NRXN1: variants seen among roughly 807,000 people sequenced by gnomAD.
The protein encoded by NRXN1 is neurexin-1.
Under a neutral mutation model 150.9 loss-of-function variants are expected in NRXN1, and 39 were observed. The ratio of observed to expected loss-of-function variants is 0.26; its 90% CI spans 0.20 to 0.34. The LOEUF (loss-of-function observed/expected upper bound fraction) is 0.34, where lower values mean the gene tolerates loss of function less well. Among genes scored for constraint, NRXN1 ranks in the 10% least tolerant of loss-of-function variants. The pLI, the probability that NRXN1 is intolerant of heterozygous loss-of-function variation, is 1.00. For synonymous variants in NRXN1, 924 were observed against 757.0 expected (o/e 1.22, Z -3.62); for missense variants, 1,815 against 1,949.9 (o/e 0.93, Z 1.30).
intron 5 of NRXN1, among the ~76,000 whole-genome samples, chr2:50,884,586 A>G (rs1281294687): frequency 6.6e-6 from 1 of 151,694 alleles, no homozygotes; most frequent in Non-Finnish European, 1.5e-5. Flanking sequence ...CCAGCATTGT[A>G]GCTTCGTAGG....
At chr2:50,157,951 T>G (rs534149764) in intron 18 of NRXN1, among the ~76,000 whole-genome samples, 1 of 148,876 alleles carries the variant, frequency 6.7e-6, no homozygotes, top group Non-Finnish European at 1.5e-5. Flanking sequence ...CGAGAGTGGA[T>G]AGATGAAACC....
chr2:50,725,762 T>C (rs946772793), intron 5 of NRXN1, among the ~76,000 whole-genome samples: 1 of 152,198 alleles, frequency 6.6e-6, no homozygotes, highest in African/African-American at 2.4e-5. Flanking sequence ...ATAGACTTTA[T>C]TTTTTCAGCT....
intron 2 of NRXN1, among the ~76,000 whole-genome samples, chr2:50,953,223 T>C (rs1691691214): frequency 6.6e-6 from 1 of 152,224 alleles, no homozygotes. Flanking sequence ...CCATTTATTA[T>C]TGTAACCTTA....
chr2:50,620,923 G>A (rs908610312), intron 7 of NRXN1: 3 of 339,198 alleles, frequency 8.8e-6, no homozygotes, highest in Admixed American at 4.8e-5. Context: ...GCTGAGCTGC[G>A]GTCACTCGGG....
intron 5 of NRXN1, among the ~76,000 whole-genome samples, chr2:50,850,580 T>C (rs1674375090): frequency 6.6e-6 from 1 of 152,160 alleles, no homozygotes; most frequent in South Asian, 2.1e-4. Context: ...TGAAACCTAC[T>C]AGCCTTTCTT....
intron 5 of NRXN1, among the ~76,000 whole-genome samples, chr2:50,757,648 G>A (rs757749567): frequency 6.6e-6 from 1 of 151,670 alleles, no homozygotes; most frequent in Non-Finnish European, 1.5e-5. Flanking sequence ...CTCAGTAATA[G>A]TAACACTGAA....
intron 5 of NRXN1, among the ~76,000 whole-genome samples, chr2:50,814,534 G>C (rs1350731657): frequency 1.3e-5 from 2 of 151,908 alleles, no homozygotes; most frequent in East Asian, 1.9e-4. Context: ...AAGAACCCTG[G>C]GGAACAATTT....
At chr2:50,834,859 T>C (rs1671894941) in intron 5 of NRXN1, among the ~76,000 whole-genome samples, 1 of 152,144 alleles carries the variant, frequency 6.6e-6, no homozygotes, top group Non-Finnish European at 1.5e-5. Flanking sequence ...TGCACGCCTT[T>C]AGAAACACTG....
chr2:50,219,668 C>T (rs994866622), intron 18 of NRXN1, among the ~76,000 whole-genome samples: 2 of 150,936 alleles, frequency 1.3e-5, no homozygotes, highest in African/African-American at 4.9e-5. Context: ...AGGAGGATCG[C>T]TTGAGCCCAG....
At chr2:50,682,262 T>G (rs1400688428) in intron 5 of NRXN1, among the ~76,000 whole-genome samples, 1 of 152,206 alleles carries the variant, frequency 6.6e-6, no homozygotes, top group African/African-American at 2.4e-5. Flanking sequence ...AAGTAGCATC[T>G]CTTTACTTAA....
chr2:50,444,563 C>A (rs1432578476), intron 17 of NRXN1, among the ~76,000 whole-genome samples: 1 of 152,068 alleles, frequency 6.6e-6, no homozygotes, highest in Non-Finnish European at 1.5e-5. Context: ...GCCTATCGGA[C>A]CTTTTTAAAG....
chr2:50,361,367 C>T (rs1316401249), intron 17 of NRXN1, among the ~76,000 whole-genome samples: 2 of 151,630 alleles, frequency 1.3e-5, no homozygotes, highest in African/African-American at 2.4e-5. Context: ...GACCACTAGC[C>T]AGACTATATA....
intron 2 of NRXN1, among the ~76,000 whole-genome samples, chr2:50,985,614 A>T (rs7559936): frequency 6.6e-6 from 1 of 151,460 alleles, no homozygotes; most frequent in Admixed American, 6.6e-5. Flanking sequence ...TAAGGAAAAA[A>T]GGATCCAAGG....
At chr2:50,478,104 A>T (rs1222391112) in intron 15 of NRXN1, among the ~76,000 whole-genome samples, 2 of 152,128 alleles carry the variant, frequency 1.3e-5, no homozygotes, top group Non-Finnish European at 2.9e-5. Context: ...CCTTATCTAG[A>T]TACACTGAGA....
At chr2:50,488,996 T>C (rs2091068873) in intron 15 of NRXN1, among the ~76,000 whole-genome samples, 1 of 152,186 alleles carries the variant, frequency 6.6e-6, no homozygotes, top group Non-Finnish European at 1.5e-5. Flanking sequence ...CTGCAGGTAC[T>C]TGCTGCTCCA....
intron 5 of NRXN1, among the ~76,000 whole-genome samples, chr2:50,787,165 G>T (rs1216383129): frequency 1.3e-5 from 2 of 152,106 alleles, no homozygotes; most frequent in Admixed American, 6.6e-5. Flanking sequence ...GAGGATCATT[G>T]TGTGCTCTAG....
At chr2:50,865,688 G>A (rs1184462878) in intron 5 of NRXN1, among the ~76,000 whole-genome samples, 1 of 20,340 alleles carries the variant, frequency 4.9e-5, no homozygotes, top group Non-Finnish European at 1.9e-4. Context: ...TTTTTTTTTG[G>A]TGGTGGGGGT....
chr2:50,401,636 G>C (rs1206733213), intron 17 of NRXN1, among the ~76,000 whole-genome samples: 1 of 152,038 alleles, frequency 6.6e-6, no homozygotes, highest in Non-Finnish European at 1.5e-5. Flanking sequence ...TATATTAATA[G>C]CTAATGGCAA....
chr2:49,986,382 A>G (rs942218064), intron 21 of NRXN1, among the ~76,000 whole-genome samples: 1 of 152,226 alleles, frequency 6.6e-6, no homozygotes, highest in African/African-American at 2.4e-5. Context: ...ACCCATTAAC[A>G]TAAATTTAAA....
Sources: gnomAD v4.1 joint callset for allele counts (sites outside exome capture counted in the v4.1 genomes callset) on GRCh38, gnomAD v4.1.1 for gene constraint, MANE v1.5 for transcripts, NCBI Gene and HGNC (gene_info 2026-07-23, HGNC 2026-07-21) for gene names.